Variants in KCNG2 observed in about 807,000 individuals in gnomAD.
The protein encoded by KCNG2 is voltage-gated potassium channel regulatory subunit KCNG2.
A neutral mutation model predicts 12.3 loss-of-function variants in KCNG2; 7 were observed. The observed-to-expected ratio is 0.57, with a 90% CI of 0.32 to 1.07. KCNG2 has a LOEUF of 1.07. KCNG2 is among the 50% of genes least tolerant of loss of function. KCNG2 has a pLI of 0.04. For synonymous variants in KCNG2, 414 were observed against 351.4 expected (o/e 1.18, Z -1.99); for missense variants, 703 against 726.0 (o/e 0.97, Z 0.36).
intron 3 of KCNG2, 39 bp downstream of exon 3, chr18:79,864,330 T>C: frequency 5.3e-6 from 3 of 561,570 alleles, no homozygotes; most frequent in Non-Finnish European, 7.3e-6. Context: ...GGGCCGGAGC[T>C]GGGGCTGGGC....
At chr18:79,888,116 G>A (rs1427129712) in intron 3 of KCNG2, among the ~76,000 whole-genome samples, 2 of 152,192 alleles carry the variant, frequency 1.3e-5, no homozygotes, top group African/African-American at 4.8e-5. Context: ...CCAGACCTAG[G>A]CCTCGAGGGT....
chr18:79,829,688 C>T (rs1978290653), intron 1 of KCNG2, among the ~76,000 whole-genome samples: 1 of 151,858 alleles, frequency 6.6e-6, no homozygotes, highest in African/African-American at 2.4e-5. Flanking sequence ...GGGCCTCTGC[C>T]GCCATCTCTA....
intron 3 of KCNG2, among the ~76,000 whole-genome samples, chr18:79,898,783 ACATTATTTTCAC>A (rs1026621668): frequency 6.6e-6 from 1 of 152,272 alleles, no homozygotes; most frequent in Non-Finnish European, 1.5e-5. Context: ...AGGGGTTTTA[ACATTATTTTCAC>A]CAGTTTCCTG....
chr18:79,842,089 C>A (rs756638634), intron 1 of KCNG2, among the ~76,000 whole-genome samples: 1 of 152,170 alleles, frequency 6.6e-6, no homozygotes, highest in Non-Finnish European at 1.5e-5. Context: ...CCAGGCCCAC[C>A]CTAGCTCCAG....
chr18:79,880,010 T>C (rs1023848636), intron 3 of KCNG2, among the ~76,000 whole-genome samples: 2 of 152,170 alleles, frequency 1.3e-5, no homozygotes, highest in African/African-American at 4.8e-5. Context: ...ACGACTTGGC[T>C]CAGCAATGAG....
intron 1 of KCNG2, among the ~76,000 whole-genome samples, chr18:79,825,577 G>A (rs887224573): frequency 3.3e-5 from 5 of 152,216 alleles, no homozygotes; most frequent in African/African-American, 9.7e-5. Context: ...AACCACGGAG[G>A]TTTTACCAAG....
At chr18:79,818,897 G>A (rs1019150030) in intron 1 of KCNG2, among the ~76,000 whole-genome samples, 17 of 152,172 alleles carry the variant, frequency 1.1e-4, no homozygotes, top group African/African-American at 3.1e-4. Context: ...CCGAAGGTCC[G>A]CAGGTCTGGC....
intron 1 of KCNG2, among the ~76,000 whole-genome samples, chr18:79,845,682 T>G (rs997166942): frequency 1.3e-5 from 2 of 152,266 alleles, no homozygotes; most frequent in Admixed American, 1.3e-4. Flanking sequence ...GCAAGTTCTC[T>G]TCTGAACAGA....
At chr18:79,898,748 C>CAAACAGCAAACGAAGAAA (rs1327187030) in intron 3 of KCNG2, among the ~76,000 whole-genome samples, 2 of 152,274 alleles carry the variant, frequency 1.3e-5, no homozygotes, top group Non-Finnish European at 2.9e-5. Flanking sequence ...GCTCTTAAGA[C>CAAACAGCAAACGAAGAAA]CATTTCCCAA....
intron 1 of KCNG2, among the ~76,000 whole-genome samples, chr18:79,806,899 G>A (rs1267981395): frequency 1.3e-5 from 2 of 152,214 alleles, no homozygotes; most frequent in South Asian, 2.1e-4. Context: ...AGGCTAGAAA[G>A]AGAAAATGCA....
chr18:79,856,337 ACT>A (rs1219032304), intron 1 of KCNG2, among the ~76,000 whole-genome samples, 40 bp from the exon 2 acceptor site: 19 of 151,810 alleles, frequency 1.3e-4, no homozygotes. Context: ...AACGCAGGTG[ACT>A]CTCTGTCCCT....
intron 1 of KCNG2, among the ~76,000 whole-genome samples, chr18:79,843,373 AG>A (rs1401537958): frequency 6.6e-6 from 1 of 152,216 alleles, no homozygotes; most frequent in Admixed American, 6.5e-5. Context: ...TTGAAATGAA[AG>A]CTCACTAATA....
At position 79,873,535 on chromosome 18, in the gene KCNG2, G is replaced by A. The variant is rs577482422; in HGVS notation, c.624+9244G>A. On this transcript the variant is annotated intron_variant, in intron 3 of 3. Coordinates refer to ENST00000316249, the MANE Select transcript of KCNG2 (RefSeq NM_012283.2). Reference sequence around the variant, plus strand: ...TGGCCTGTATGCAGCTGTGAGGGGCGTCGGGGAGCCGGCCCTAGCTGTCCG... The same window carrying A: ...TGGCCTGTATGCAGCTGTGAGGGGCATCGGGGAGCCGGCCCTAGCTGTCCG... Among the ~76,000 whole-genome samples the A allele has an allele frequency of 2.0e-4, 30 of 152,062 alleles. 1 individual carries two copies. The South Asian group carries it at 4.2e-3, about 21-fold the overall frequency.
At chr18:79,858,612 A>G (rs1979105791) in intron 2 of KCNG2, among the ~76,000 whole-genome samples, 1 of 150,590 alleles carries the variant, frequency 6.6e-6, no homozygotes, top group African/African-American at 2.4e-5. Context: ...TCACATGAGA[A>G]CTCCATGTTT....
intron 1 of KCNG2, chr18:79,816,489 C>T (rs1357962501): frequency 6.6e-6 from 1 of 152,210 alleles, no homozygotes; most frequent in African/African-American, 2.4e-5. Flanking sequence ...TCCTGTATGC[C>T]TTGATGATTG....
Position 79,803,307 on chromosome 18 carries a change from A to C in KCNG2, c.-115+5293A>C, listed in dbSNP as rs111960306. Among the ~76,000 whole-genome samples the C allele has an allele frequency of 7.8e-3, 1,183 of 152,022 alleles. 19 individuals carry two copies. Among genetic ancestry groups the C allele is most frequent in the African/African-American group, 0.027 (1,106 of 41,462 alleles). On this transcript the variant is annotated intron_variant, in intron 1 of 3. Transcript: ENST00000316249. The surrounding 1 kb of genome is among the most constrained non-coding windows in gnomAD (Gnocchi z 4.5). ...GTCACAGGGCAGGGCCAGCCCCCTCACCTCTAGGCCTCCAGTTCTTCTTCC... is the reference window on the plus strand; with the variant it reads ...GTCACAGGGCAGGGCCAGCCCCCTCCCCTCTAGGCCTCCAGTTCTTCTTCC...
At chr18:79,810,773 A>T (rs2087488607) in intron 1 of KCNG2, among the ~76,000 whole-genome samples, 1 of 152,166 alleles carries the variant, frequency 6.6e-6, no homozygotes, top group African/African-American at 2.4e-5. Flanking sequence ...AAAAAGACAA[A>T]ACAAACCAAA....
intron 3 of KCNG2, among the ~76,000 whole-genome samples, chr18:79,892,621 A>C (rs1980783301): frequency 6.6e-6 from 1 of 151,834 alleles, no homozygotes; most frequent in Non-Finnish European, 1.5e-5. Context: ...GCCGCTTTTG[A>C]CTGGGTTGTT....
intron 1 of KCNG2, among the ~76,000 whole-genome samples, chr18:79,814,778 G>A (rs749190298): frequency 6.6e-6 from 1 of 152,178 alleles, no homozygotes; most frequent in Non-Finnish European, 1.5e-5. Flanking sequence ...TTCTAAAAAT[G>A]TATATGTATA....
Sources: allele counts gnomAD v4.1 joint callset (sites outside exome capture counted in the v4.1 genomes callset), GRCh38; gene constraint gnomAD v4.1.1; non-coding constraint Gnocchi (gnomAD v3.1); transcripts MANE v1.5; gene names NCBI Gene and HGNC (gene_info 2026-07-23, HGNC 2026-07-21).